The following LRRIQ3 variants were observed in gnomAD, a reference collection of about 807,000 sequenced individuals.
LRRIQ3 encodes leucine-rich repeat and IQ domain-containing protein 3.
In LRRIQ3, 75 loss-of-function variants were observed where a neutral mutation model predicts 59.3. The ratio of observed to expected loss-of-function variants is 1.26; its 90% CI spans 1.05 to 1.53. The LOEUF (loss-of-function observed/expected upper bound fraction) is 1.53. LRRIQ3 is among the 40% of genes most tolerant of loss of function. LRRIQ3 has a pLI of 0.00. For synonymous variants in LRRIQ3, 250 were observed against 231.3 expected, an observed-to-expected ratio of 1.08 and a Z score of -0.73; for missense variants, 831 against 710.0, an observed-to-expected ratio of 1.17 and a Z score of -1.94.
At position 74,026,874 on chromosome 1, in the gene LRRIQ3, G is replaced by T. The variant is rs1461648927; in HGVS notation, c.1814C>A (p.Thr605Lys). 1.2e-6 allele frequency: 2 copies of T among 1,607,852 alleles called. No homozygotes were observed. The highest frequency in any genetic ancestry group is 2.7e-5 in the African/African-American group (2 of 74,604). The change falls in exon 8 of 8, where the codon ACA becomes AAA. Residue 605 changes from threonine (T) to lysine (K), a missense_variant. Transcript: ENST00000354431. ...ATTTGTTTTCACAATTGCTACTTTT[G>T]TTTTAGCATCTTGAAGTCTTTCACA... ...KACERLQDAKTKVAIVKTNLD... is the reference protein window; with the variant it reads ...KACERLQDAKKKVAIVKTNLD...
chr1:74,183,246 T>C (rs889083660), intron 2 of LRRIQ3, 190 bp downstream of exon 2: 25 of 429,220 alleles, frequency 5.8e-5, no homozygotes, highest in Middle Eastern at 6.3e-4. Flanking sequence ...ACACTATTTA[T>C]GTATTTTCAT....
At chr1:74,056,354 A>G (rs1189510409) in intron 6 of LRRIQ3, among the ~76,000 whole-genome samples, 1 of 152,048 alleles carries the variant, frequency 6.6e-6, no homozygotes, top group East Asian at 1.9e-4. Flanking sequence ...TCAACATAGT[A>G]CTAGAAGTTG....
chr1:74,189,547 A>G (rs1015884382), intron 1 of LRRIQ3, among the ~76,000 whole-genome samples: 1 of 152,112 alleles, frequency 6.6e-6, no homozygotes, highest in Non-Finnish European at 1.5e-5. Flanking sequence ...TTTGGCACTT[A>G]ATGATATGGT....
At chr1:74,187,119 A>G (rs1650444444) in intron 1 of LRRIQ3, among the ~76,000 whole-genome samples, 1 of 152,164 alleles carries the variant, frequency 6.6e-6, no homozygotes, top group Non-Finnish European at 1.5e-5. Context: ...AACAGTATGG[A>G]AATTCCTTAA....
intron 6 of LRRIQ3, among the ~76,000 whole-genome samples, chr1:74,067,307 G>A (rs949992810): frequency 6.6e-5 from 10 of 152,104 alleles, no homozygotes; most frequent in Non-Finnish European, 1.5e-4. Context: ...ACAAGTGGAA[G>A]TACACACTCT....
intron 4 of LRRIQ3, among the ~76,000 whole-genome samples, chr1:74,136,466 T>C (rs953413196): frequency 2.0e-5 from 3 of 151,902 alleles, no homozygotes; most frequent in Admixed American, 2.0e-4. Context: ...AAGGTACCTC[T>C]CTGGAACCCT....
chr1:74,089,466 T>TA (rs958327371), intron 5 of LRRIQ3, among the ~76,000 whole-genome samples: 3 of 151,970 alleles, frequency 2.0e-5, no homozygotes, highest in Admixed American at 6.6e-5. Flanking sequence ...TATTGAGCCA[T>TA]AAAAAATAAA....
At chr1:74,170,379 A>T (rs1051787298) in intron 3 of LRRIQ3, among the ~76,000 whole-genome samples, 1 of 152,134 alleles carries the variant, frequency 6.6e-6, no homozygotes, top group African/African-American at 2.4e-5. Flanking sequence ...ATTCTTTTTG[A>T]TATGGATATC....
chr1:74,198,139 T>C lies in LRRIQ3; in HGVS notation c.-144A>G, dbSNP rs1651361503. 6.8e-7 allele frequency: 1 copy of C among 1,478,696 alleles called. No homozygotes were observed. The highest frequency in any genetic ancestry group is 2.3e-5 in the Admixed American group (1 of 42,576). 91.6% of individuals were successfully genotyped at this position (1,478,696 alleles called of 1,614,324 possible). A position where few individuals can be genotyped will look rare whatever the true frequency, so the allele number is the denominator to read the frequency against. ...ACATCCAAGTTCTCCACATCATGGT[T>C]TTCCGGGCGCCAGCCAAGGCGCTCC... On this transcript the variant is annotated 5_prime_UTR_variant, in exon 1 of 8. Transcript: ENST00000354431.
chr1:74,114,387 C>A (rs1166456270), intron 4 of LRRIQ3, among the ~76,000 whole-genome samples: 1 of 152,040 alleles, frequency 6.6e-6, no homozygotes, highest in Non-Finnish European at 1.5e-5. Flanking sequence ...GTCTCCAAAT[C>A]TCACTAGACT....
At chr1:74,062,295 A>G (rs180733005) in intron 6 of LRRIQ3, among the ~76,000 whole-genome samples, 2 of 152,256 alleles carry the variant, frequency 1.3e-5, no homozygotes, top group East Asian at 3.9e-4. Flanking sequence ...CAACAAGCAT[A>G]TGAAACAATG....
intron 4 of LRRIQ3, among the ~76,000 whole-genome samples, chr1:74,151,400 A>AT (rs1264814469): frequency 6.6e-6 from 1 of 152,060 alleles, no homozygotes; most frequent in African/African-American, 2.4e-5. Flanking sequence ...TAGAAGGCAA[A>AT]TTTTTTTAAA....
chr1:74,177,261 C>T (rs967497199), intron 3 of LRRIQ3, among the ~76,000 whole-genome samples: 12 of 152,064 alleles, frequency 7.9e-5, no homozygotes, highest in Admixed American at 2.0e-4. Flanking sequence ...CTGGCCTAGC[C>T]TCCCAGCCTA....
At chr1:74,048,529 G>A (rs1654270356) in intron 6 of LRRIQ3, among the ~76,000 whole-genome samples, 1 of 152,020 alleles carries the variant, frequency 6.6e-6, no homozygotes, top group East Asian at 1.9e-4. Flanking sequence ...TGGCTTCCTA[G>A]AATCATTTTG....
intron 1 of LRRIQ3, among the ~76,000 whole-genome samples, chr1:74,184,839 A>C (rs1484962122): frequency 6.6e-6 from 1 of 152,184 alleles, no homozygotes; most frequent in Non-Finnish European, 1.5e-5. Context: ...AAACCTTTAC[A>C]AATTAAACTC....
rs958789734 is a variant in LRRIQ3, at chr1:74,083,401, C to A, written c.868-8611G>T. On this transcript the variant is annotated intron_variant, in intron 5 of 7. Transcript: ENST00000354431. ...GCCCTAGTTGGCAAACCATTTCTACCAACAAGCTTATTTTAAGTTCTTAAG... is the reference window on the plus strand; with the variant it reads ...GCCCTAGTTGGCAAACCATTTCTACAAACAAGCTTATTTTAAGTTCTTAAG... 3 of 151,670 alleles carry A rather than the reference C, an allele frequency of 2.0e-5. No homozygotes were observed. In the Admixed American group the frequency reaches 2.0e-4, roughly 10 times the overall value. 9.4% of individuals were successfully genotyped at this position (151,670 alleles called of 1,614,324 possible). A position where few individuals can be genotyped will look rare whatever the true frequency, so the allele number is the denominator to read the frequency against.
chr1:74,187,668 C>A (rs1203787996), intron 1 of LRRIQ3, among the ~76,000 whole-genome samples: 1 of 152,000 alleles, frequency 6.6e-6, no homozygotes, highest in African/African-American at 2.4e-5. Flanking sequence ...ACACTCAAAT[C>A]TCAGAAATCA....
intron 3 of LRRIQ3, among the ~76,000 whole-genome samples, chr1:74,174,541 C>A (rs1045348955): frequency 1.1e-3 from 135 of 119,694 alleles, no homozygotes; most frequent in Non-Finnish European, 1.8e-3. Context: ...TGCCATCATG[C>A]CTGGCTATTT....
chr1:74,127,794 G>T (rs887502318), intron 4 of LRRIQ3, among the ~76,000 whole-genome samples: 1 of 151,798 alleles, frequency 6.6e-6, no homozygotes, highest in Non-Finnish European at 1.5e-5. Context: ...GTGTTTTTCT[G>T]TGTACTTACT....
Sources: gnomAD v4.1 joint callset for allele counts (sites outside exome capture counted in the v4.1 genomes callset) on GRCh38, gnomAD v4.1.1 for gene constraint, MANE v1.5 for transcripts, NCBI Gene and HGNC (gene_info 2026-07-23, HGNC 2026-07-21) for gene names.